ASB14: variants seen among roughly 807,000 people sequenced by gnomAD.
ASB14 encodes ankyrin repeat and SOCS box protein 14.
Under a neutral mutation model 55.6 loss-of-function variants are expected in ASB14, and 63 were observed. That is an observed-to-expected ratio of 1.13 (90% CI 0.92 to 1.40). The LOEUF is 1.40. ASB14 is among the 40% of genes most tolerant of loss of function. The pLI, the probability that ASB14 is intolerant of heterozygous loss-of-function variation, is 0.00. For missense variants in ASB14, 724 were observed against 710.4 expected, an observed-to-expected ratio of 1.02 and a Z score of -0.22; for synonymous variants, 256 against 259.9, an observed-to-expected ratio of 0.98 and a Z score of 0.15.
At position 57,277,933 on chromosome 3, in the gene ASB14, A is replaced by G. The variant is rs1435132297; in HGVS notation, c.1432-13T>C. 6.2e-7 allele frequency: 1 copy of G among 1,605,302 alleles called. No homozygotes were observed. The highest frequency in any genetic ancestry group is 1.3e-5 in the African/African-American group (1 of 74,482). On this transcript the variant is annotated splice_polypyrimidine_tract_variant and intron_variant, in intron 8 of 10. Transcript: ENST00000487349. ...TTACTTCACAGAACTGAGGGAAACA[A>G]AATCAGAATTAGGAAAGTAAATGAA...
intron 10 of ASB14, among the ~76,000 whole-genome samples, chr3:57,275,666 A>C (rs2060979856): frequency 6.6e-6 from 1 of 152,094 alleles, no homozygotes; most frequent in African/African-American, 2.4e-5. Context: ...AAAGATGTGG[A>C]TACCTACTGA....
intron 10 of ASB14, chr3:57,271,580 A>C (rs987906521): frequency 1.3e-5 from 2 of 152,134 alleles, no homozygotes; most frequent in African/African-American, 4.8e-5. Context: ...TTGTCACCTC[A>C]CTTAGTTCAG....
At position 57,289,068 on chromosome 3, in the gene ASB14, C is replaced by CT; in HGVS notation, c.177dup (p.Gly60ArgfsTer2). On this transcript the variant is annotated frameshift_variant and splice_region_variant, in exon 3 of 11. Transcript: ENST00000487349. LOFTEE classifies it high-confidence loss of function. ...AGTTAAAGGGGATAGGAGTACTTAA[C>CT]TTTCTCTATTGTTTCAACTATCTTC... 6.6e-7 allele frequency: 1 copy of CT among 1,522,276 alleles called. No individual in the cohort carries two copies. Among genetic ancestry groups the CT allele is most frequent in the Non-Finnish European group, 8.8e-7 (1 of 1,133,508 alleles). 94.3% of individuals were successfully genotyped at this position (1,522,276 alleles called of 1,614,324 possible).
intron 8 of ASB14, 21 bp from the exon 9 acceptor site, chr3:57,277,941 A>T (rs1354693324): frequency 6.2e-7 from 1 of 1,600,438 alleles, no homozygotes; most frequent in Non-Finnish European, 8.5e-7. Context: ...CAAAATCAGA[A>T]TTAGGAAAGT....
At chr3:57,270,935 TTA>T (rs2060933379) in intron 10 of ASB14, 1 of 152,156 alleles carries the variant, frequency 6.6e-6, no homozygotes, top group South Asian at 2.1e-4. Flanking sequence ...TGCCTATTGT[TTA>T]TGTTAAACCT....
At chr3:57,292,176 T>G in intron 1 of ASB14, 72 bp from the exon 2 acceptor site, 2 of 1,018,286 alleles carry the variant, frequency 2.0e-6, no homozygotes, top group Non-Finnish European at 2.6e-6. Context: ...ATATACAAAA[T>G]TTAGGAAACA....
At chr3:57,278,982 A>T in intron 7 of ASB14, 62 bp from the exon 8 acceptor site, 1 of 1,514,906 alleles carries the variant, frequency 6.6e-7, no homozygotes, top group Non-Finnish European at 9.0e-7. Context: ...TAACTTGTTT[A>T]TTATTGTTTT....
intron 5 of ASB14, among the ~76,000 whole-genome samples, chr3:57,287,620 C>T (rs1559524545): frequency 1.3e-5 from 2 of 152,124 alleles, no homozygotes; most frequent in Non-Finnish European, 2.9e-5. Flanking sequence ...ACCCCTGCTC[C>T]ATGAGGTAAT....
Position 57,278,721 on chromosome 3 carries a change from C to G in ASB14, c.1087G>C (p.Ala363Pro). 6.2e-7 allele frequency: 1 copy of G among 1,613,932 alleles called. No homozygotes were observed. The highest frequency in any genetic ancestry group is 2.2e-5 in the East Asian group (1 of 44,840). Reference protein sequence around the residue: ...DDHRKSALYFAVSNSDLSSVK... With the variant: ...DDHRKSALYFPVSNSDLSSVK... The stretch of plus-strand genomic sequence containing the variant: ...GAAGAGAGGTCACTGTTTGATACAG[C>G]AAAATACAAAGCTGACTTCCTGTGG... The change falls in exon 8 of 11, where the codon GCT becomes CCT. Residue 363 changes from alanine (A) to proline (P), a missense_variant. Transcript: ENST00000487349.
At chr3:57,279,285 T>A (rs1207068796) in intron 7 of ASB14, among the ~76,000 whole-genome samples, 2 of 143,446 alleles carry the variant, frequency 1.4e-5, no homozygotes, top group Admixed American at 7.0e-5. Context: ...TTTTTTTTTT[T>A]TTTTTTTGAG....
chr3:57,276,669 A>G lies in ASB14; in HGVS notation c.1645T>C (p.Leu549=), dbSNP rs1259112931. Reference sequence around the variant, plus strand: ...ATGAAGACAGGGCAGCGCAAATGTAACCGTCCCATGCATTTCCGGATCTTT... The same window carrying G: ...ATGAAGACAGGGCAGCGCAAATGTAGCCGTCCCATGCATTTCCGGATCTTT... ...RLKIRKCMGR[L]HLRCPVFMSF... Residue 549 remains leucine (L), a synonymous_variant, in exon 10 of 11, where the codon TTA becomes CTA. Coordinates refer to ENST00000487349, the MANE Select transcript of ASB14 (RefSeq NM_001142733.3). 1 of 1,614,142 alleles carries G rather than the reference A, an allele frequency of 6.2e-7. No individual in the cohort carries two copies. Among genetic ancestry groups the G allele is most frequent in the South Asian group, 1.1e-5 (1 of 91,078 alleles).
Position 57,287,943 on chromosome 3 carries a change from G to A in ASB14, c.427C>T (p.Pro143Ser). The A allele has an allele frequency of 6.5e-7, 1 of 1,537,252 alleles. No homozygotes were observed. The highest frequency in any genetic ancestry group is 8.7e-7 in the Non-Finnish European group (1 of 1,146,890). ...TTGCCTTCGAAATTCTTAGCATTTGGATTGCAGCCATTGAGAAGAAGAAAA... is the reference window on the plus strand; with the variant it reads ...TTGCCTTCGAAATTCTTAGCATTTGAATTGCAGCCATTGAGAAGAAGAAAA... ...ATFLLLNGCNPNAKNFEGNSP... is the reference protein window; with the variant it reads ...ATFLLLNGCNSNAKNFEGNSP... Residue 143 changes from proline to serine, a missense_variant, in exon 5 of 11, where the codon CCA becomes TCA. Physicochemically the swap from Pro to Ser is moderately conservative, Grantham distance 74. Coordinates refer to ENST00000487349, the MANE Select transcript of ASB14 (RefSeq NM_001142733.3).
intron 10 of ASB14, chr3:57,273,316 G>A (rs1270083432): frequency 1.3e-5 from 2 of 152,608 alleles, no homozygotes; most frequent in African/African-American, 4.8e-5. Flanking sequence ...TCGACTTTAT[G>A]TGATCATGGT....
chr3:57,276,038 GAAGAT>G (rs1225273799), intron 10 of ASB14, among the ~76,000 whole-genome samples: 7 of 152,104 alleles, frequency 4.6e-5, no homozygotes, highest in Non-Finnish European at 8.8e-5. Flanking sequence ...CGTATCCTCT[GAAGAT>G]AAGGGAGACT....
chr3:57,280,519 G>GT (rs2061031498), intron 6 of ASB14, 46 bp from the exon 7 acceptor site: 1 of 1,495,384 alleles, frequency 6.7e-7, no homozygotes. Flanking sequence ...ATTTTCCACT[G>GT]TATTTCTTGA....
At chr3:57,289,658 C>G (rs912581598) in intron 2 of ASB14, among the ~76,000 whole-genome samples, 2 of 149,256 alleles carry the variant, frequency 1.3e-5, no homozygotes, top group African/African-American at 4.9e-5. Context: ...ATTTTAAAAC[C>G]TAGCAAATAA....
Position 57,278,583 on chromosome 3 carries a change from C to A in ASB14, c.1225G>T (p.Gly409Trp). 1 of 1,614,198 alleles carries A rather than the reference C, an allele frequency of 6.2e-7. No homozygotes were observed. The highest frequency in any genetic ancestry group is 8.5e-7 in the Non-Finnish European group (1 of 1,180,046). Reference protein sequence around the residue: ...YELISLLLRHGANVNYFCRVN... With the variant: ...YELISLLLRHWANVNYFCRVN... ...CTGCAGAAGTAATTGACATTGGCCC[C>A]ATGCCTTAGCAGCAGACTGATCAGC... The change falls in exon 8 of 11, where the codon GGG becomes TGG. Residue 409 changes from glycine to tryptophan, a missense_variant. Gly to Trp is a radical substitution (Grantham distance 184). Coordinates refer to ENST00000487349, the MANE Select transcript of ASB14 (RefSeq NM_001142733.3).
At chr3:57,277,963 A>G in intron 8 of ASB14, 43 bp from the exon 9 acceptor site, 1 of 1,550,918 alleles carries the variant, frequency 6.4e-7, no homozygotes, top group South Asian at 1.2e-5. Context: ...AATGAAAAAC[A>G]CAAAGTATCT....
In ASB14 at chr3:57,278,509, A is replaced by G. The variant is rs539600244; in HGVS notation, c.1299T>C (p.Asp433=). 23 of 1,614,214 alleles carry G rather than the reference A, an allele frequency of 1.4e-5. No homozygotes were observed. In the East Asian group the frequency reaches 4.5e-4, roughly 31 times the overall value. ...TCAGCAGCATCCTGAGCATGACTTC[A>G]TCTTTCAGAGTGTATTGCAGTGCTG... ...FPSALQYTLK[D]EVMLRMLLNY... is the part of the protein sequence containing the mutation. The change falls in exon 8 of 11, where the codon GAT becomes GAC. Residue 433 remains aspartate (D), a synonymous_variant. Coordinates refer to ENST00000487349, the MANE Select transcript of ASB14 (RefSeq NM_001142733.3).
Sources: gnomAD v4.1 joint callset for allele counts (sites outside exome capture counted in the v4.1 genomes callset) on GRCh38, gnomAD v4.1.1 for gene constraint, MANE v1.5 for transcripts, NCBI Gene and HGNC (gene_info 2026-07-23, HGNC 2026-07-21) for gene names.